Variants in THSD7B observed in about 807,000 individuals in gnomAD.
THSD7B encodes the protein thrombospondin type 1 domain containing 7B.
Under a neutral mutation model 213.6 loss-of-function variants are expected in THSD7B, and 138 were observed. That is an observed-to-expected ratio of 0.65 (90% CI 0.56 to 0.74). The LOEUF (loss-of-function observed/expected upper bound fraction) is 0.74, where lower values mean the gene tolerates loss of function less well. Among genes scored for constraint, THSD7B ranks in the 30% least tolerant of loss-of-function variants. The pLI is 0.00. For synonymous variants in THSD7B, 742 were observed against 687.0 expected (o/e 1.08, Z -1.25); for missense variants, 1,931 against 1,991.5 (o/e 0.97, Z 0.58).
intron 12 of THSD7B, among the ~76,000 whole-genome samples, chr2:137,329,818 C>T (rs1684454692): frequency 6.6e-6 from 1 of 152,150 alleles, no homozygotes; most frequent in South Asian, 2.1e-4. Flanking sequence ...AATGAGGAGT[C>T]GAATGTTGAT....
chr2:137,239,852 C>T (rs1318935573), intron 9 of THSD7B, among the ~76,000 whole-genome samples: 1 of 152,160 alleles, frequency 6.6e-6, no homozygotes, highest in Admixed American at 6.5e-5. Flanking sequence ...GGCTGAAAGT[C>T]CGTGATCAGG....
chr2:136,919,406 G>A (rs747932283), intron 2 of THSD7B, among the ~76,000 whole-genome samples: 1 of 152,190 alleles, frequency 6.6e-6, no homozygotes, highest in Non-Finnish European at 1.5e-5. Context: ...CTTTTTGGGA[G>A]ACCAGCTTGC....
intron 4 of THSD7B, among the ~76,000 whole-genome samples, chr2:137,098,712 G>T (rs1485710938): frequency 2.0e-5 from 3 of 152,164 alleles, no homozygotes; most frequent in African/African-American, 7.2e-5. Flanking sequence ...ATCTTCAGTT[G>T]CATGGCTTTG....
intron 17 of THSD7B, among the ~76,000 whole-genome samples, chr2:137,590,713 C>G (rs774565201): frequency 6.8e-6 from 1 of 148,010 alleles, no homozygotes; most frequent in African/African-American, 2.5e-5. Context: ...CCTTTTTATA[C>G]GTTAATTTTG....
intron 12 of THSD7B, among the ~76,000 whole-genome samples, chr2:137,343,081 T>TG (rs1343712525): frequency 3.5e-4 from 53 of 151,840 alleles, no homozygotes; most frequent in African/African-American, 1.3e-3. Flanking sequence ...GTTTTTTTTT[T>TG]TTGTTTTTTG....
In THSD7B at chr2:137,316,571, C is replaced by T. The variant is rs113628124; in HGVS notation, c.2500+40545C>T. Among the ~76,000 whole-genome samples, 1,270 of 151,980 alleles carry T rather than the reference C, an allele frequency of 8.4e-3. 20 individuals are homozygous for T. The highest frequency in any genetic ancestry group is 0.028 in the African/African-American group (1,181 of 41,464). ...TGGGAGGATCACGAGGTCAAGAGAT[C>T]GAGACCACAGTGAAACCCTGTCTCT... is the stretch of plus-strand genomic sequence containing the variant. On this transcript the variant is annotated intron_variant, in intron 12 of 27. Transcript: ENST00000409968.
chr2:136,798,739 T>C (rs1682116659), intron 1 of THSD7B, among the ~76,000 whole-genome samples: 1 of 152,014 alleles, frequency 6.6e-6, no homozygotes, highest in South Asian at 2.1e-4. Context: ...GCCACACTGA[T>C]TGTGACCTTT....
At chr2:136,776,839 C>T (rs539190496) in intron 1 of THSD7B, among the ~76,000 whole-genome samples, 3 of 152,230 alleles carry the variant, frequency 2.0e-5, no homozygotes, top group African/African-American at 7.2e-5. Context: ...CATGCACACA[C>T]TTGTGCGCTC....
chr2:136,902,656 A>T (rs191155000), intron 2 of THSD7B, among the ~76,000 whole-genome samples: 1 of 152,334 alleles, frequency 6.6e-6, no homozygotes, highest in East Asian at 1.9e-4. Flanking sequence ...CAATCTAAAC[A>T]GTAGAAAGTC....
chr2:137,104,071 G>C (rs1449511702), intron 4 of THSD7B, among the ~76,000 whole-genome samples: 1 of 151,844 alleles, frequency 6.6e-6, no homozygotes, highest in Non-Finnish European at 1.5e-5. Flanking sequence ...CAAATCAACA[G>C]AATATACATT....
chr2:137,029,078 C>CTTTTT (rs11443045), intron 2 of THSD7B, among the ~76,000 whole-genome samples: 8 of 121,004 alleles, frequency 6.6e-5, no homozygotes, highest in Non-Finnish European at 9.8e-5. Flanking sequence ...TCTTTGTAAG[C>CTTTTT]TTTTTTTTTT....
intron 12 of THSD7B, among the ~76,000 whole-genome samples, chr2:137,278,025 G>A (rs1682911789): frequency 6.6e-6 from 1 of 152,202 alleles, no homozygotes; most frequent in African/African-American, 2.4e-5. Context: ...ATAAGCAGAG[G>A]TGGGTGGAGA....
intron 1 of THSD7B, among the ~76,000 whole-genome samples, chr2:136,871,610 T>C (rs1293267891): frequency 6.6e-6 from 1 of 152,156 alleles, no homozygotes; most frequent in African/African-American, 2.4e-5. Context: ...TGATTTTCCA[T>C]GAAATGATGA....
chr2:137,590,489 C>T lies in THSD7B; in HGVS notation c.3423+17933C>T, dbSNP rs185341281. ...GATTTTAGACTTTCTTGATTGAATA[C>T]CCTGCATGTGTCGCAATGAGTATTT... On this transcript the variant is annotated intron_variant, in intron 17 of 27. Transcript: ENST00000409968. Among the ~76,000 whole-genome samples the T allele has an allele frequency of 2.6e-3, 392 of 152,152 alleles. 3 individuals are homozygous for T. The highest frequency in any genetic ancestry group is 9.0e-3 in the African/African-American group (372 of 41,526).
intron 1 of THSD7B, among the ~76,000 whole-genome samples, chr2:136,811,736 C>T (rs538906805): frequency 6.6e-6 from 1 of 152,152 alleles, no homozygotes; most frequent in Non-Finnish European, 1.5e-5. Flanking sequence ...ATTATTTCAC[C>T]GTCGGGAAAT....
chr2:137,293,669 A>G (rs1318604002), intron 12 of THSD7B, among the ~76,000 whole-genome samples: 2 of 151,996 alleles, frequency 1.3e-5, no homozygotes, highest in African/African-American at 4.8e-5. Context: ...TTGAAAAATT[A>G]CTCTGAAATT....
chr2:137,078,787 A>G (rs1169161278), intron 3 of THSD7B, among the ~76,000 whole-genome samples: 1 of 152,030 alleles, frequency 6.6e-6, no homozygotes, highest in Admixed American at 6.6e-5. Context: ...GTAGATTCTT[A>G]TAGTGTTTTA....
At chr2:137,145,288 T>C (rs1679672070) in intron 5 of THSD7B, among the ~76,000 whole-genome samples, 1 of 152,116 alleles carries the variant, frequency 6.6e-6, no homozygotes, top group African/African-American at 2.4e-5. Flanking sequence ...AGTTATGGCC[T>C]GGTGGCCTGC....
In THSD7B at chr2:137,076,448, A is replaced by G. The variant is rs189886423; in HGVS notation, c.951-18425A>G. Among the ~76,000 whole-genome samples, 505 of 152,274 alleles carry G rather than the reference A, an allele frequency of 3.3e-3. 4 individuals are homozygous for G. The highest frequency in any genetic ancestry group is 0.011 in the African/African-American group (456 of 41,554). On this transcript the variant is annotated intron_variant, in intron 3 of 27. Coordinates refer to ENST00000409968, the MANE Select transcript of THSD7B (RefSeq NM_001316349.2). ...TTTAGGCCCATTGGAAAAGCACAGTATTAGGGTGGGAGTGAACCAATTTTC... is the reference window on the plus strand; with the variant it reads ...TTTAGGCCCATTGGAAAAGCACAGTGTTAGGGTGGGAGTGAACCAATTTTC...
Sources: allele counts gnomAD v4.1 joint callset (sites outside exome capture counted in the v4.1 genomes callset), GRCh38; gene constraint gnomAD v4.1.1; transcripts MANE v1.5; gene names NCBI Gene and HGNC (gene_info 2026-07-23, HGNC 2026-07-21).